The following PRLR variants were observed in gnomAD, a reference collection of about 807,000 sequenced individuals.
PRLR encodes the protein hPRL receptor.
In PRLR, 13 loss-of-function variants were observed where a neutral mutation model predicts 40.2. The ratio of observed to expected loss-of-function variants is 0.32; its 90% CI spans 0.21 to 0.51. The LOEUF is 0.51. PRLR is among the 20% of genes least tolerant of loss of function. The probability of loss-of-function intolerance (pLI) is 0.97; values close to 1 mark genes in which losing one functional copy is unlikely to be tolerated. For synonymous variants in PRLR, 269 were observed against 278.7 expected (o/e 0.97, Z 0.35); for missense variants, 656 against 747.3 (o/e 0.88, Z 1.42).
intron 1 of PRLR, among the ~76,000 whole-genome samples, chr5:35,228,625 T>C (rs923881622): frequency 1.4e-4 from 22 of 152,320 alleles, no homozygotes; most frequent in African/African-American, 5.1e-4. Context: ...TTGGTGGGAC[T>C]GAAAATTCTA....
rs3776605 is a variant in PRLR, at chr5:35,069,779, C to T, written c.685+345G>A. 4.2e-3 allele frequency among the ~76,000 whole-genome samples: 632 copies of T among 152,280 alleles called. 6 individuals are homozygous for T. Among genetic ancestry groups the T allele is most frequent in the East Asian group, 0.037 (192 of 5,180 alleles). ...TGGCAGAGACTGAGCCTTTGAGACACGGTACTGCCTTATAAATTCTGGAAG... is the reference window on the plus strand; with the variant it reads ...TGGCAGAGACTGAGCCTTTGAGACATGGTACTGCCTTATAAATTCTGGAAG... On this transcript the variant is annotated intron_variant, in intron 7 of 9. Transcript: ENST00000618457.
chr5:35,154,566 T>G (rs1294086571), intron 1 of PRLR, among the ~76,000 whole-genome samples: 2 of 152,162 alleles, frequency 1.3e-5, no homozygotes, highest in African/African-American at 4.8e-5. Context: ...TCAACCACTA[T>G]GGAAGACAGT....
chr5:35,101,325 TA>T (rs1402779340), intron 2 of PRLR, among the ~76,000 whole-genome samples: 1 of 152,196 alleles, frequency 6.6e-6, no homozygotes, highest in East Asian at 1.9e-4. Flanking sequence ...TCTTTTCCAT[TA>T]ATCAACAGGC....
chr5:35,069,353 T>C (rs1006213748), intron 7 of PRLR, among the ~76,000 whole-genome samples: 3 of 152,170 alleles, frequency 2.0e-5, no homozygotes, highest in African/African-American at 4.8e-5. Flanking sequence ...CTCTAGACCC[T>C]GTGCTTTTGT....
Position 35,062,809 on chromosome 5 carries a change from A to G in PRLR, c.*2280T>C, listed in dbSNP as rs1011754340. The G allele has an allele frequency of 3.9e-5, 6 of 152,148 alleles. No individual in the cohort carries two copies. Among genetic ancestry groups the G allele is most frequent in the South Asian group, 4.1e-4 (2 of 4,824 alleles). 9.4% of individuals were successfully genotyped at this position (152,148 alleles called of 1,614,324 possible). A position where few individuals can be genotyped will look rare whatever the true frequency, so the allele number is the denominator to read the frequency against. On this transcript the variant is annotated 3_prime_UTR_variant, in exon 10 of 10. Transcript: ENST00000618457. ...GCGTAGTTTTGCAGGTCATTCTTTTATGTGAATTCATATAAGATTCAGCAT... is the reference window on the plus strand; with the variant it reads ...GCGTAGTTTTGCAGGTCATTCTTTTGTGTGAATTCATATAAGATTCAGCAT...
In PRLR at chr5:35,060,363, T is replaced by C. The variant is rs1768961311; in HGVS notation, c.*4726A>G. On this transcript the variant is annotated 3_prime_UTR_variant, in exon 10 of 10. Transcript: ENST00000618457. Reference sequence around the variant, plus strand: ...GAGAAGCAAGGATGTTAAATCAATCTGAGTTGGAGGAACAGATCTCTGTTT... The same window carrying C: ...GAGAAGCAAGGATGTTAAATCAATCCGAGTTGGAGGAACAGATCTCTGTTT... 1 of 152,200 alleles carries C rather than the reference T, an allele frequency of 6.6e-6. No individual in the cohort carries two copies. Among genetic ancestry groups the C allele is most frequent in the South Asian group, 2.1e-4 (1 of 4,832 alleles). The allele number at this position is 152,200 out of a possible 1,614,324, so 9.4% of individuals were successfully genotyped here.
chr5:35,149,256 T>A (rs1048862735), intron 1 of PRLR, among the ~76,000 whole-genome samples: 1 of 152,156 alleles, frequency 6.6e-6, no homozygotes, highest in African/African-American at 2.4e-5. Flanking sequence ...ATGTCTATTA[T>A]CAGTTTTGTT....
At chr5:35,137,601 C>A (rs1326851802) in intron 1 of PRLR, among the ~76,000 whole-genome samples, 1 of 152,144 alleles carries the variant, frequency 6.6e-6, no homozygotes, top group East Asian at 1.9e-4. Flanking sequence ...TTATCTGATT[C>A]ATCTACACAT....
intron 1 of PRLR, among the ~76,000 whole-genome samples, chr5:35,229,399 C>T (rs1776636580): frequency 6.6e-6 from 1 of 152,102 alleles, no homozygotes; most frequent in Admixed American, 6.6e-5. Context: ...TGCTTGTTTT[C>T]AGGGCAGTGT....
At chr5:35,125,990 AG>A (rs1334662824) in intron 1 of PRLR, among the ~76,000 whole-genome samples, 1 of 152,172 alleles carries the variant, frequency 6.6e-6, no homozygotes, top group East Asian at 1.9e-4. Context: ...GCATGTGTCA[AG>A]GCTGACACTT....
intron 5 of PRLR, among the ~76,000 whole-genome samples, chr5:35,074,901 C>T (rs1225979931): frequency 6.6e-6 from 1 of 152,134 alleles, no homozygotes; most frequent in African/African-American, 2.4e-5. Flanking sequence ...TGGCTTGCCT[C>T]ATCCCAGTCT....
intron 1 of PRLR, among the ~76,000 whole-genome samples, chr5:35,134,773 T>A (rs765032597): frequency 3.9e-5 from 6 of 152,080 alleles, no homozygotes; most frequent in Non-Finnish European, 7.4e-5. Context: ...AGACAGTGAG[T>A]CTCCAGTGAT....
At chr5:35,075,119 C>T (rs909826253) in intron 5 of PRLR, among the ~76,000 whole-genome samples, 8 of 152,174 alleles carry the variant, frequency 5.3e-5, no homozygotes, top group South Asian at 2.1e-4. Context: ...CAGCTCCCAG[C>T]GTGAGCAACA....
chr5:35,194,205 G>T (rs1300336240), intron 1 of PRLR, among the ~76,000 whole-genome samples: 1 of 152,184 alleles, frequency 6.6e-6, no homozygotes, highest in African/African-American at 2.4e-5. Context: ...GGTTTCATTG[G>T]TGTAATAAAT....
At chr5:35,109,273 A>C (rs1181573878) in intron 2 of PRLR, among the ~76,000 whole-genome samples, 1 of 152,226 alleles carries the variant, frequency 6.6e-6, no homozygotes, top group Non-Finnish European at 1.5e-5. Flanking sequence ...CCTAGAAGAA[A>C]ATCTAGGCAA....
At chr5:35,219,455 T>C (rs555044125) in intron 1 of PRLR, among the ~76,000 whole-genome samples, 52 of 152,162 alleles carry the variant, frequency 3.4e-4, no homozygotes, top group Non-Finnish European at 5.9e-4. Flanking sequence ...AGTTAAAACA[T>C]GAAATTCTTA....
chr5:35,229,675 G>C (rs961993495), intron 1 of PRLR, among the ~76,000 whole-genome samples: 3 of 151,996 alleles, frequency 2.0e-5, no homozygotes, highest in Non-Finnish European at 4.4e-5. Context: ...CTGCTCATCT[G>C]CCCCTACCCC....
chr5:35,057,613 A>C lies in PRLR; in HGVS notation c.*7476T>G, dbSNP rs1438068390. 6.6e-6 allele frequency: 1 copy of C among 152,180 alleles called. No homozygotes were observed. Among genetic ancestry groups the C allele is most frequent in the East Asian group, 1.9e-4 (1 of 5,202 alleles). 9.4% of individuals were successfully genotyped at this position (152,180 alleles called of 1,614,324 possible). A position where few individuals can be genotyped will look rare whatever the true frequency, so the allele number is the denominator to read the frequency against. ...ACTATTGACAAAGATTTAACTACCC[A>C]TGTTGTCCCCTCAAAATAGGAGGAG... On this transcript the variant is annotated 3_prime_UTR_variant, in exon 10 of 10. Transcript: ENST00000618457.
At chr5:35,220,121 G>A (rs1403665921) in intron 1 of PRLR, among the ~76,000 whole-genome samples, 2 of 152,108 alleles carry the variant, frequency 1.3e-5, no homozygotes, top group Non-Finnish European at 2.9e-5. Flanking sequence ...ACAGAAGCTG[G>A]GAAGAGCTCT....
Sources: gnomAD v4.1 joint callset for allele counts (sites outside exome capture counted in the v4.1 genomes callset) on GRCh38, gnomAD v4.1.1 for gene constraint, MANE v1.5 for transcripts, NCBI Gene and HGNC (gene_info 2026-07-23, HGNC 2026-07-21) for gene names.